SLC26A1: variants seen among roughly 807,000 people sequenced by gnomAD.
The protein encoded by SLC26A1 is solute carrier family 26 member 1.
SLC26A1 carries 18 observed loss-of-function variants against 14.5 expected under a neutral mutation model. The observed-to-expected ratio is 1.24, with a 90% CI of 0.86 to 1.84. The LOEUF is 1.84. SLC26A1 is among the 40% of genes most tolerant of loss of function. SLC26A1 has a pLI of 0.00. For synonymous variants in SLC26A1, 505 were observed against 492.0 expected (o/e 1.03, Z -0.35); for missense variants, 1,049 against 1,020.0 (o/e 1.03, Z -0.39).
At chr4:982,977 A>G (rs1159805654), downstream of SLC26A1, among the ~76,000 whole-genome samples, 1 of 152,198 alleles carries the variant, frequency 6.6e-6, no homozygotes, top group Non-Finnish European at 1.5e-5. Flanking sequence ...TGCTTCACGG[A>G]ACCATGCCTG....
At position 991,398 on chromosome 4, in the gene SLC26A1, G is replaced by A; in HGVS notation, c.306C>T (p.Leu102=). Residue 102 remains leucine, a synonymous_variant, in exon 2 of 3, where the codon CTC becomes CTT. Coordinates refer to ENST00000398516, the MANE Select transcript of SLC26A1 (RefSeq NM_022042.4). ...LLAGLQPIYS[L]YTSFFANLIY... is the part of the protein sequence containing the mutation. Reference sequence around the variant, plus strand: ...TGAGGTTGGCGAAGAAGGACGTATAGAGGCTGTAGATGGGCTGCAGCCCGG... The same window carrying A: ...TGAGGTTGGCGAAGAAGGACGTATAAAGGCTGTAGATGGGCTGCAGCCCGG... 1.9e-6 allele frequency: 3 copies of A among 1,612,868 alleles called. No homozygotes were observed. The highest frequency in any genetic ancestry group is 2.5e-6 in the Non-Finnish European group (3 of 1,179,972).
chr4:987,120 G>A (rs1403980379), downstream of SLC26A1: 1 of 1,438,812 alleles, frequency 7.0e-7, no homozygotes, highest in Non-Finnish European at 9.1e-7. Context: ...CGCTGCTGGC[G>A]CTCCTGGCCT....
Position 979,248 on chromosome 4 carries a change from C to T in SLC26A1, c.*158G>A, listed in dbSNP as rs4583705. 68,798 of 588,954 alleles carry T rather than the reference C, an allele frequency of 0.12. 4,902 individuals carry two copies. The highest frequency in any genetic ancestry group is 0.21 in the South Asian group (10,125 of 47,232). The allele number at this position is 588,954 out of a possible 1,614,324, so 36.5% of individuals were successfully genotyped here. ...ATTTGGAGGACGCTTGCTCAGGCTT[C>T]TCTCCTCTGCAGGCTGGCCAGGTTG... On this transcript the variant is annotated 3_prime_UTR_variant, in exon 3 of 3. Transcript: ENST00000398520.
chr4:992,178 G>A (rs757086072), intron 1 of SLC26A1: 1 of 462,596 alleles, frequency 2.2e-6, no homozygotes, highest in South Asian at 1.5e-5. Context: ...CTGGACACAG[G>A]TGCAGGCAAG....
downstream of SLC26A1, among the ~76,000 whole-genome samples, chr4:985,156 A>G (rs1295880345): frequency 6.6e-6 from 1 of 152,252 alleles, no homozygotes; most frequent in African/African-American, 2.4e-5. Flanking sequence ...TTGGGGTCCC[A>G]AGAAAAACCC....
Position 987,725 on chromosome 4 carries a change from C to A in SLC26A1, c.*1108G>T. 2 of 1,589,310 alleles carry A rather than the reference C, an allele frequency of 1.3e-6. No homozygotes were observed. Among genetic ancestry groups the A allele is most frequent in the Admixed American group, 1.7e-5 (1 of 57,734 alleles). On this transcript the variant is annotated 3_prime_UTR_variant, in exon 3 of 3. Transcript: ENST00000398516. The stretch of plus-strand genomic sequence containing the variant: ...GCAGCGCCTGGATCCTGCGCCCGGG[C>A]AGTCCTGGGCTTGAACGTGTGTGTC...
At position 991,210 on chromosome 4, in the gene SLC26A1, G is replaced by A. The variant is rs868000224; in HGVS notation, c.494C>T (p.Ser165Leu). ...ACGCCCGCAGTCCAGCATGGCAGCC[G>A]AGCCGTTGAGGGTGCTGCTGTTGGC... is the stretch of plus-strand genomic sequence containing the variant. ...PGANSSTLNG[S>L]AAMLDCGRDC... The change falls in exon 2 of 3, where the codon TCG becomes TTG. Residue 165 changes from serine to leucine, a missense_variant. Coordinates refer to ENST00000398516, the MANE Select transcript of SLC26A1 (RefSeq NM_022042.4). The A allele has an allele frequency of 2.9e-5, 46 of 1,606,372 alleles. No homozygotes were observed. Among genetic ancestry groups the A allele is most frequent in the African/African-American group, 5.3e-5 (4 of 74,868 alleles).
rs988084549 is a variant in SLC26A1 at position 990,525 on chromosome 4, T to A, written c.577-163A>T. The stretch of plus-strand genomic sequence containing the variant: ...ACCAGACTCCTCACACGGGCCTGAG[T>A]TCTGGTTCCACGCGTGCTCATGCCC... On this transcript the variant is annotated intron_variant, in intron 2 of 2. Transcript: ENST00000398516. 4.3e-6 allele frequency: 3 copies of A among 692,210 alleles called. No homozygotes were observed. In the African/African-American group the frequency reaches 5.4e-5, roughly 12 times the overall value. 42.9% of individuals were successfully genotyped at this position (692,210 alleles called of 1,614,324 possible). A position where few individuals can be genotyped will look rare whatever the true frequency, so the allele number is the denominator to read the frequency against.
rs1713928243 is a variant in SLC26A1 at position 988,496 on chromosome 4, G to C, written c.*337C>G. On this transcript the variant is annotated 3_prime_UTR_variant, in exon 3 of 3. Coordinates refer to ENST00000398516, the MANE Select transcript of SLC26A1 (RefSeq NM_022042.4). ...CCTCTTGGCACCTTGGAGGCTGCAT[G>C]ATGGCGGGGGACCCTTGTTCAAATA... is the stretch of plus-strand genomic sequence containing the variant. 1.8e-6 allele frequency: 2 copies of C among 1,140,240 alleles called. No individual in the cohort carries two copies. The highest frequency in any genetic ancestry group is 1.6e-5 in the African/African-American group (1 of 61,830). The allele number at this position is 1,140,240 out of a possible 1,614,324, so 70.6% of individuals were successfully genotyped here. A position where few individuals can be genotyped will look rare whatever the true frequency, so the allele number is the denominator to read the frequency against.
At chr4:992,549 TG>T (rs1714449114) in intron 1 of SLC26A1, among the ~76,000 whole-genome samples, 1 of 152,208 alleles carries the variant, frequency 6.6e-6, no homozygotes, top group South Asian at 2.1e-4. Context: ...GGAGGGTGAC[TG>T]GCGTCTGTCT....
rs1326279029 is a variant in SLC26A1 at position 987,670 on chromosome 4, G to C, written c.*1163C>G. 1.0e-5 allele frequency: 15 copies of C among 1,488,204 alleles called. No individual in the cohort carries two copies. In the Admixed American group the frequency reaches 1.7e-4, roughly 16 times the overall value. The allele number at this position is 1,488,204 out of a possible 1,614,324, so 92.2% of individuals were successfully genotyped here. ...GACCTCCCCACATTCCTGGCCCTAA[G>C]GGTCATTTTATTAGTCACTGAACGC... On this transcript the variant is annotated 3_prime_UTR_variant, in exon 3 of 3. Coordinates refer to ENST00000398516, the MANE Select transcript of SLC26A1 (RefSeq NM_022042.4).
chr4:991,404 G>A lies in SLC26A1; in HGVS notation c.300C>T (p.Tyr100=), dbSNP rs752252231. 2.5e-6 allele frequency: 4 copies of A among 1,612,862 alleles called. No homozygotes were observed. Among genetic ancestry groups the A allele is most frequent in the Non-Finnish European group, 3.4e-6 (4 of 1,179,966 alleles). The change falls in exon 2 of 3, where the codon TAC becomes TAT. Residue 100 remains tyrosine, a synonymous_variant. Transcript: ENST00000398516. ...YSLLAGLQPI[Y]SLYTSFFANL... is the part of the protein sequence containing the mutation. Reference sequence around the variant, plus strand: ...TGGCGAAGAAGGACGTATAGAGGCTGTAGATGGGCTGCAGCCCGGCCAGCA... The same window carrying A: ...TGGCGAAGAAGGACGTATAGAGGCTATAGATGGGCTGCAGCCCGGCCAGCA...
At chr4:979,340 T>G in exon 3 of SLC26A1, 1 of 943,404 alleles carries the variant, frequency 1.1e-6, no homozygotes, top group South Asian at 1.4e-5. Context: ...ATCCACCGGC[T>G]TCTCGTGAGG....
downstream of SLC26A1, among the ~76,000 whole-genome samples, chr4:982,936 C>T (rs958921536): frequency 2.6e-5 from 4 of 152,250 alleles, no homozygotes; most frequent in Admixed American, 1.3e-4. Context: ...AGGGCCCACT[C>T]GGATAACTAG....
Position 988,186 on chromosome 4 carries a change from C to T in SLC26A1, c.*647G>A, listed in dbSNP as rs927687174. 41 of 1,368,372 alleles carry T rather than the reference C, an allele frequency of 3.0e-5. No homozygotes were observed. The highest frequency in any genetic ancestry group is 3.2e-5 in the Non-Finnish European group (34 of 1,060,632). The allele number at this position is 1,368,372 out of a possible 1,614,324, so 84.8% of individuals were successfully genotyped here. On this transcript the variant is annotated 3_prime_UTR_variant, in exon 3 of 3. Coordinates refer to ENST00000398516, the MANE Select transcript of SLC26A1 (RefSeq NM_022042.4). Reference sequence around the variant, plus strand: ...CTCCCTGCAGGCTCAGGGTTGGCTGCGCCGCACCTGGCTCCTGGTGCACCC... The same window carrying T: ...CTCCCTGCAGGCTCAGGGTTGGCTGTGCCGCACCTGGCTCCTGGTGCACCC...
At chr4:991,035 C>G in intron 2 of SLC26A1, 93 bp downstream of exon 2, 1 of 1,295,422 alleles carries the variant, frequency 7.7e-7, no homozygotes, top group Non-Finnish European at 1.0e-6. Context: ...CTCTGCCAAC[C>G]CTGTGCTTGC....
downstream of SLC26A1, among the ~76,000 whole-genome samples, chr4:985,386 TC>T (rs3840500): frequency 0.59 from 89,848 of 152,138 alleles, 27,194 homozygotes; most frequent in East Asian, 0.7. Flanking sequence ...CCTGGACGGT[TC>T]CGTTCAGCGC....
chr4:983,770 C>A (rs574029030), downstream of SLC26A1, among the ~76,000 whole-genome samples: 48 of 152,324 alleles, frequency 3.2e-4, 1 homozygote, highest in South Asian at 8.9e-3. Flanking sequence ...TCTTCCTCTG[C>A]ACCTCTGAGC....
Position 990,187 on chromosome 4 carries a change from C to CT in SLC26A1, c.751dup (p.Ser251LysfsTer220). Reference sequence around the variant, plus strand: ...GGCCTGCCCGGCGCCGCGCAGCAGGCTCAGCCATGTGAGGACCACCATGCC... The same window carrying CT: ...GGCCTGCCCGGCGCCGCGCAGCAGGCTTCAGCCATGTGAGGACCACCATGCC... On this transcript the variant is annotated frameshift_variant, in exon 3 of 3. Coordinates refer to ENST00000398516, the MANE Select transcript of SLC26A1 (RefSeq NM_022042.4). LOFTEE classifies it low-confidence loss of function (END_TRUNC). 1.3e-6 allele frequency: 2 copies of CT among 1,560,898 alleles called. No homozygotes were observed. Among genetic ancestry groups the CT allele is most frequent in the Non-Finnish European group, 1.7e-6 (2 of 1,153,176 alleles).
Sources: allele counts gnomAD v4.1 joint callset (sites outside exome capture counted in the v4.1 genomes callset), GRCh38; gene constraint gnomAD v4.1.1; transcripts MANE v1.5; gene names NCBI Gene and HGNC (gene_info 2026-07-23, HGNC 2026-07-21).